FBLN7: variants seen among roughly 807,000 people sequenced by gnomAD.
The protein encoded by FBLN7 is fibulin-7.
Under a neutral mutation model 44.0 loss-of-function variants are expected in FBLN7, and 31 were observed. The observed-to-expected ratio is 0.70, with a 90% CI of 0.53 to 0.95. The LOEUF is 0.95. Among genes scored for constraint, FBLN7 ranks in the 40% least tolerant of loss-of-function variants. FBLN7 has a pLI of 0.00. For synonymous variants in FBLN7, 262 were observed against 253.4 expected, an observed-to-expected ratio of 1.03 and a Z score of -0.32; for missense variants, 573 against 618.5, an observed-to-expected ratio of 0.93 and a Z score of 0.78.
At chr2:112,222,656 C>T in the FBLN7 span, among the ~76,000 whole-genome samples, 3 of 152,118 alleles carry the variant, frequency 2.0e-5, no homozygotes, top group African/African-American at 7.2e-5. Flanking sequence ...TATGATTTCA[C>T]TTATATGAGA....
rs947367658 is a variant in FBLN7 at position 112,186,907 on chromosome 2, C to A, written c.948-227C>A. ...ACACATACACACGTACACAGGTGGG[C>A]AGGGAGCACCCTTGAGCAGGAACAG... is the stretch of plus-strand genomic sequence containing the variant. On this transcript the variant is annotated intron_variant, in intron 7 of 7. Transcript: ENST00000331203. Among the ~76,000 whole-genome samples, 18 of 152,290 alleles carry A rather than the reference C, an allele frequency of 1.2e-4. No homozygotes were observed. The South Asian group carries it at 1.2e-3, about 11-fold the overall frequency.
At chr2:112,171,027 A>T (rs1682430398) in intron 3 of FBLN7, among the ~76,000 whole-genome samples, 1 of 152,134 alleles carries the variant, frequency 6.6e-6, no homozygotes, top group Non-Finnish European at 1.5e-5. Flanking sequence ...TGAGCGATGG[A>T]TGTGGTTTGT....
the FBLN7 span, among the ~76,000 whole-genome samples, chr2:112,206,903 A>T: frequency 6.6e-6 from 1 of 151,242 alleles, no homozygotes; most frequent in South Asian, 2.1e-4. Flanking sequence ...TGGCAGATTA[A>T]AAAAAGAATT....
intron 6 of FBLN7, among the ~76,000 whole-genome samples, chr2:112,184,988 A>G (rs1215231586): frequency 6.6e-6 from 1 of 151,862 alleles, no homozygotes; most frequent in Non-Finnish European, 1.5e-5. Context: ...TACCCCAGGG[A>G]AAGAGGACAG....
the FBLN7 span, among the ~76,000 whole-genome samples, chr2:112,224,949 T>C: frequency 6.6e-6 from 1 of 152,346 alleles, no homozygotes; most frequent in East Asian, 1.9e-4. Flanking sequence ...ATACTCTCCA[T>C]TTATTTAGAT....
At chr2:112,174,073 C>T (rs1459445824) in intron 3 of FBLN7, among the ~76,000 whole-genome samples, 2 of 152,252 alleles carry the variant, frequency 1.3e-5, no homozygotes, top group African/African-American at 4.8e-5. Context: ...CTACTGGGGC[C>T]AAGCTACAAG....
chr2:112,238,638 A>G, the FBLN7 span: 12 of 813,418 alleles, frequency 1.5e-5, no homozygotes, highest in Admixed American at 1.1e-4. Flanking sequence ...GAAGGTGGGT[A>G]ATAGGTACAT....
the FBLN7 span, among the ~76,000 whole-genome samples, chr2:112,243,773 A>C: frequency 6.6e-6 from 1 of 152,136 alleles, no homozygotes; most frequent in Non-Finnish European, 1.5e-5. Context: ...CTTTATAGAA[A>C]ATGCTTACTG....
chr2:112,231,636 T>C, the FBLN7 span, among the ~76,000 whole-genome samples: 4 of 152,194 alleles, frequency 2.6e-5, no homozygotes, highest in African/African-American at 9.6e-5. Flanking sequence ...AAATCAGCAA[T>C]GAATATACAT....
At chr2:112,181,024 T>C (rs1252450137) in intron 4 of FBLN7, among the ~76,000 whole-genome samples, 1 of 151,360 alleles carries the variant, frequency 6.6e-6, no homozygotes. Context: ...AATGAGATCA[T>C]GTCTTTTGTG....
the FBLN7 span, among the ~76,000 whole-genome samples, chr2:112,205,706 C>T: frequency 6.6e-6 from 1 of 152,124 alleles, no homozygotes; most frequent in Non-Finnish European, 1.5e-5. Flanking sequence ...CAGTATCACA[C>T]TATCTTCATT....
chr2:112,141,493 G>A (rs890510914), intron 1 of FBLN7, among the ~76,000 whole-genome samples: 3 of 152,222 alleles, frequency 2.0e-5, no homozygotes, highest in African/African-American at 7.2e-5. Context: ...GGTGATGTTA[G>A]TGCAGAAGGT....
chr2:112,159,604 C>T (rs1681616806), intron 1 of FBLN7, 72 bp from the exon 2 acceptor site: 7 of 1,417,384 alleles, frequency 4.9e-6, no homozygotes, highest in Admixed American at 2.8e-5. Flanking sequence ...TCGGCGATTT[C>T]GGAAGCTCAG....
chr2:112,160,826 A>G (rs1296683619), intron 2 of FBLN7, among the ~76,000 whole-genome samples: 3 of 139,318 alleles, frequency 2.2e-5, no homozygotes, highest in Non-Finnish European at 4.7e-5. Flanking sequence ...ACACACAAGC[A>G]CGCATACACG....
intron 2 of FBLN7, 58 bp downstream of exon 2, chr2:112,159,893 G>A (rs1316388656): frequency 3.0e-5 from 41 of 1,380,952 alleles, no homozygotes; most frequent in Non-Finnish European, 3.9e-5. Context: ...CACTCTCCCC[G>A]AGACGCTCCC....
the FBLN7 span, among the ~76,000 whole-genome samples, chr2:112,242,382 A>G: frequency 2.6e-5 from 4 of 152,354 alleles, no homozygotes; most frequent in South Asian, 4.1e-4. Flanking sequence ...ATTCATTTAT[A>G]TATTATATGG....
At chr2:112,160,720 G>GCGCACACGCACGCACACGCACACA (rs1681749183) in intron 2 of FBLN7, among the ~76,000 whole-genome samples, 1 of 130,888 alleles carries the variant, frequency 7.6e-6, no homozygotes, top group Non-Finnish European at 1.6e-5. Context: ...ACACAAGCAC[G>GCGCACACGCACGCACACGCACACA]CGCACACGCA....
In FBLN7 at chr2:112,187,936, C is replaced by A; in HGVS notation, c.*430C>A. 4.5e-6 allele frequency: 1 copy of A among 221,658 alleles called. No individual in the cohort carries two copies. Among genetic ancestry groups the A allele is most frequent in the Non-Finnish European group, 8.9e-6 (1 of 112,618 alleles). 13.7% of individuals were successfully genotyped at this position (221,658 alleles called of 1,614,324 possible). On this transcript the variant is annotated 3_prime_UTR_variant, in exon 8 of 8. Coordinates refer to ENST00000331203, the MANE Select transcript of FBLN7 (RefSeq NM_153214.3). This position sits in a 1 kb window ranked among gnomAD's most constrained non-coding sequence, Gnocchi z 5.1. ...GAAACGGTTCTAGTCGTGCGGGGGGCCCTAGTCATGCCTCTGCGCATGTGG... is the reference window on the plus strand; with the variant it reads ...GAAACGGTTCTAGTCGTGCGGGGGGACCTAGTCATGCCTCTGCGCATGTGG...
the FBLN7 span, among the ~76,000 whole-genome samples, chr2:112,237,742 C>CT: frequency 1.3e-5 from 2 of 151,628 alleles, no homozygotes; most frequent in African/African-American, 4.8e-5. Flanking sequence ...TACCCTGATA[C>CT]TTTTTTTTAT....
Sources: gnomAD v4.1 joint callset for allele counts (sites outside exome capture counted in the v4.1 genomes callset) on GRCh38, gnomAD v4.1.1 for gene constraint, Gnocchi (gnomAD v3.1) non-coding constraint, MANE v1.5 for transcripts, NCBI Gene and HGNC (gene_info 2026-07-23, HGNC 2026-07-21) for gene names.